Variants in TRANK1 observed in about 807,000 individuals in gnomAD.
TRANK1 encodes the protein tetratricopeptide repeat and ankyrin repeat containing 1.
A neutral mutation model predicts 266.0 loss-of-function variants in TRANK1; 198 were observed. The observed-to-expected ratio is 0.74, with a 90% CI of 0.66 to 0.84. The LOEUF (loss-of-function observed/expected upper bound fraction) is 0.84. Among genes scored for constraint, TRANK1 ranks in the 40% least tolerant of loss-of-function variants. TRANK1 has a pLI of 0.00. For missense variants in TRANK1, 3,326 were observed against 3,634.6 expected (o/e 0.92, Z 2.18); for synonymous variants, 1,396 against 1,384.1 (o/e 1.01, Z -0.19).
intron 7 of TRANK1, among the ~76,000 whole-genome samples, chr3:36,891,467 G>A (rs1215975788): frequency 1.3e-5 from 2 of 152,144 alleles, no homozygotes; most frequent in East Asian, 3.9e-4. Context: ...CCCCATTCCT[G>A]GGGAGATGAT....
At chr3:36,860,007 A>G (rs1229301115) in intron 11 of TRANK1, among the ~76,000 whole-genome samples, 1 of 152,126 alleles carries the variant, frequency 6.6e-6, no homozygotes, top group Non-Finnish European at 1.5e-5. Context: ...TATATCTTAC[A>G]TATTATGTGT....
intron 6 of TRANK1, 121 bp from the exon 7 acceptor site, chr3:36,892,461 G>A (rs1334642203): frequency 8.2e-7 from 1 of 1,218,102 alleles, no homozygotes; most frequent in African/African-American, 1.5e-5. Flanking sequence ...TCCAAGCCTA[G>A]GATTATTATA....
chr3:36,878,463 C>T (rs1040026537), intron 8 of TRANK1, among the ~76,000 whole-genome samples: 6 of 152,292 alleles, frequency 3.9e-5, no homozygotes, highest in Middle Eastern at 3.4e-3. Flanking sequence ...TTTCCGTGAG[C>T]AACGTCTTAG....
chr3:36,906,271 T>A (rs1296615354), intron 2 of TRANK1, among the ~76,000 whole-genome samples: 1 of 152,138 alleles, frequency 6.6e-6, no homozygotes, highest in Non-Finnish European at 1.5e-5. Flanking sequence ...CGTGTTTCAG[T>A]AATTTAATTT....
At chr3:36,875,676 G>T (rs1049372570) in intron 8 of TRANK1, among the ~76,000 whole-genome samples, 1 of 152,066 alleles carries the variant, frequency 6.6e-6, no homozygotes, top group Admixed American at 6.5e-5. Context: ...TAACCTCCAG[G>T]GTATCAACCC....
rs766926528 is a variant in TRANK1, at chr3:36,828,211, C to T, written c.*64G>A. 4.2e-5 allele frequency: 51 copies of T among 1,221,952 alleles called. No individual in the cohort carries two copies. The highest frequency in any genetic ancestry group is 2.0e-4 in the Middle Eastern group (1 of 4,900). 75.7% of individuals were successfully genotyped at this position (1,221,952 alleles called of 1,614,324 possible). A position where few individuals can be genotyped will look rare whatever the true frequency, so the allele number is the denominator to read the frequency against. ...ACATTCTTTTTGTCTTCTGCCCCAG[C>T]GCTCAGAATTCTAAGTCAGAATGGA... On this transcript the variant is annotated 3_prime_UTR_variant, in exon 24 of 24. Transcript: ENST00000645898.
At chr3:36,926,683 C>T (rs565292520) in intron 1 of TRANK1, among the ~76,000 whole-genome samples, 1 of 152,250 alleles carries the variant, frequency 6.6e-6, no homozygotes, top group South Asian at 2.1e-4. Flanking sequence ...ACAACTCTAA[C>T]GAGTTCACTG....
At chr3:36,884,470 A>G (rs1199681929) in intron 8 of TRANK1, among the ~76,000 whole-genome samples, 1 of 152,250 alleles carries the variant, frequency 6.6e-6, no homozygotes, top group Non-Finnish European at 1.5e-5. Context: ...CACAGGAGCC[A>G]GTCTGAAGGA....
intron 11 of TRANK1, among the ~76,000 whole-genome samples, chr3:36,859,768 G>A (rs751078220): frequency 6.6e-6 from 1 of 152,100 alleles, no homozygotes; most frequent in South Asian, 2.1e-4. Flanking sequence ...AGTGCTTGCC[G>A]AATCAAGAAA....
Position 36,856,461 on chromosome 3 carries a change from C to T in TRANK1, c.3261G>A (p.Leu1087=). Residue 1087 remains leucine, a synonymous_variant, in exon 13 of 24, where the codon TTG becomes TTA. Coordinates refer to ENST00000645898, the MANE Select transcript of TRANK1 (RefSeq NM_001329998.2). The part of the protein sequence containing the change: ...RSGTGKTTCC[L]YRLWKKFHVY... ...CGTGGAATTTCTTCCACAATCTGTA[C>T]AAGCAGCAGGTTGTCTTCCCAGTGC... is the stretch of plus-strand genomic sequence containing the variant. 1 of 1,614,004 alleles carries T rather than the reference C, an allele frequency of 6.2e-7. No individual in the cohort carries two copies. The highest frequency in any genetic ancestry group is 8.5e-7 in the Non-Finnish European group (1 of 1,179,898).
intron 3 of TRANK1, among the ~76,000 whole-genome samples, chr3:36,899,734 C>T (rs1433257840): frequency 1.3e-5 from 2 of 152,212 alleles, no homozygotes; most frequent in African/African-American, 4.8e-5. Context: ...CACATTGCTC[C>T]TGTCATTTAA....
chr3:36,906,719 C>A (rs2079973750), intron 2 of TRANK1, among the ~76,000 whole-genome samples: 1 of 152,170 alleles, frequency 6.6e-6, no homozygotes, highest in Non-Finnish European at 1.5e-5. Context: ...ATACACACCG[C>A]CACTCAAAGC....
chr3:36,858,860 C>T lies in TRANK1; in HGVS notation c.1530G>A (p.Arg510=). 1.3e-6 allele frequency: 2 copies of T among 1,536,950 alleles called. No homozygotes were observed. The highest frequency in any genetic ancestry group is 1.7e-6 in the Non-Finnish European group (2 of 1,146,718). ...CATGTTTCAGGCACGTGACAACTGGCCTCTCCTGGCTCTCCTGAAGACCAT... is the reference window on the plus strand; with the variant it reads ...CATGTTTCAGGCACGTGACAACTGGTCTCTCCTGGCTCTCCTGAAGACCAT... ...LPDGLQESQE[R]PVVTCLKHED... Residue 510 remains arginine (R), a synonymous_variant, in exon 12 of 24, where the codon AGG becomes AGA. Transcript: ENST00000645898.
intron 17 of TRANK1, among the ~76,000 whole-genome samples, chr3:36,844,745 A>T (rs1328914805): frequency 6.6e-6 from 1 of 152,134 alleles, no homozygotes; most frequent in Non-Finnish European, 1.5e-5. Context: ...TTCCCATCAC[A>T]ATAGTCAAGT....
In TRANK1 at chr3:36,846,351, G is replaced by A; in HGVS notation, c.5088C>T (p.Val1696=). The change falls in exon 17 of 24, where the codon GTC becomes GTT. Residue 1696 remains valine, a synonymous_variant. Coordinates refer to ENST00000645898, the MANE Select transcript of TRANK1 (RefSeq NM_001329998.2). ...GGTTTTCATCAAAGATCCAGAGGTT[G>A]ACCCGAGCCCGTGTGATGGCGGTGT... The part of the protein sequence containing the change: ...QLYTAITRAR[V]NLWIFDENRE... 1.9e-6 allele frequency: 3 copies of A among 1,613,854 alleles called. No homozygotes were observed. Among genetic ancestry groups the A allele is most frequent in the Non-Finnish European group, 2.5e-6 (3 of 1,179,830 alleles).
intron 8 of TRANK1, among the ~76,000 whole-genome samples, chr3:36,889,609 G>A (rs1174349435): frequency 6.6e-6 from 1 of 152,210 alleles, no homozygotes; most frequent in Non-Finnish European, 1.5e-5. Flanking sequence ...AGGTGAAAGA[G>A]CTCCTGAAGC....
intron 1 of TRANK1, among the ~76,000 whole-genome samples, chr3:36,918,128 A>C (rs2080151937): frequency 6.6e-6 from 1 of 152,216 alleles, no homozygotes. Context: ...TCAGGGCATC[A>C]TGCTAAGTGA....
rs1000340303 is a variant in TRANK1 at position 36,826,990 on chromosome 3, A to G, written c.*1285T>C. 1 of 152,210 alleles carries G rather than the reference A, an allele frequency of 6.6e-6. No individual in the cohort carries two copies. The highest frequency in any genetic ancestry group is 2.4e-5 in the African/African-American group (1 of 41,438). 9.4% of individuals were successfully genotyped at this position (152,210 alleles called of 1,614,324 possible). On this transcript the variant is annotated 3_prime_UTR_variant, in exon 24 of 24. Coordinates refer to ENST00000645898, the MANE Select transcript of TRANK1 (RefSeq NM_001329998.2). ...AAGGAAACAATTTGGAAAGATAAGG[A>G]AGAGAAAACAACAAGCAGCATGAGC... is the stretch of plus-strand genomic sequence containing the variant.
intron 15 of TRANK1, among the ~76,000 whole-genome samples, chr3:36,849,526 A>G (rs1379370113): frequency 6.6e-6 from 1 of 152,208 alleles, no homozygotes; most frequent in Non-Finnish European, 1.5e-5. Flanking sequence ...ATAAGCCCAG[A>G]TAACAGCTGC....
Sources: gnomAD v4.1 joint callset for allele counts (sites outside exome capture counted in the v4.1 genomes callset) on GRCh38, gnomAD v4.1.1 for gene constraint, MANE v1.5 for transcripts, NCBI Gene and HGNC (gene_info 2026-07-23, HGNC 2026-07-21) for gene names.